Variants in ATXN2 observed in about 807,000 individuals in gnomAD.
The protein encoded by ATXN2 is ataxin-2.
In ATXN2, 37 loss-of-function variants were observed where a neutral mutation model predicts 138.6. The observed-to-expected ratio is 0.27, with a 90% confidence interval of 0.21 to 0.35. The LOEUF (loss-of-function observed/expected upper bound fraction) is 0.35, where lower values mean the gene tolerates loss of function less well. Among genes scored for constraint, ATXN2 ranks in the 10% least tolerant of loss-of-function variants. ATXN2 has a pLI of 1.00. For synonymous variants in ATXN2, 549 were observed against 543.7 expected, an observed-to-expected ratio of 1.01 and a Z score of -0.13; for missense variants, 1,216 against 1,480.3, an observed-to-expected ratio of 0.82 and a Z score of 2.93.
intron 1 of ATXN2, among the ~76,000 whole-genome samples, chr12:111,594,003 A>G (rs1467630906): frequency 6.6e-6 from 1 of 152,140 alleles, no homozygotes; most frequent in Non-Finnish European, 1.5e-5. Context: ...AGTTCCCCCA[A>G]TCCATTTAAA....
At chr12:111,482,264 A>G (rs971650309) in intron 18 of ATXN2, among the ~76,000 whole-genome samples, 1 of 141,184 alleles carries the variant, frequency 7.1e-6, no homozygotes, top group African/African-American at 2.7e-5. Flanking sequence ...GCACCATCTC[A>G]GCTCACTGCC....
chr12:111,525,330 T>G lies in ATXN2; in HGVS notation c.572-14A>C. 1 of 1,551,060 alleles carries G rather than the reference T, an allele frequency of 6.4e-7. No individual in the cohort carries two copies. Among genetic ancestry groups the G allele is most frequent in the Non-Finnish European group, 8.7e-7 (1 of 1,152,300 alleles). ...CAGTAAAAGCATCTGCAAAGAATGG[T>G]TTTGGTTGAAAGTTTATATAATCTG... On this transcript the variant is annotated splice_polypyrimidine_tract_variant and intron_variant, in intron 5 of 24. Coordinates refer to ENST00000673436, the MANE Select transcript of ATXN2 (RefSeq NM_001372574.1).
intron 1 of ATXN2, among the ~76,000 whole-genome samples, chr12:111,567,728 C>T (rs1050664836): frequency 6.6e-6 from 1 of 151,782 alleles, no homozygotes; most frequent in Non-Finnish European, 1.5e-5. Flanking sequence ...ACAAGAGAAT[C>T]GCTTCAACTC....
upstream of ATXN2, chr12:111,599,659 G>T: frequency 4.6e-6 from 5 of 1,080,896 alleles, no homozygotes; most frequent in East Asian, 5.4e-5. Context: ...CGGCGCGCTG[G>T]GTTGCTTTCT....
intron 15 of ATXN2, 92 bp downstream of exon 15, chr12:111,488,384 A>G: frequency 7.5e-7 from 1 of 1,340,482 alleles, no homozygotes; most frequent in Non-Finnish European, 1.0e-6. Flanking sequence ...AAAAGTCCAG[A>G]TGGATTCTTC....
chr12:111,540,696 CTTTTT>C (rs11462759), intron 5 of ATXN2, among the ~76,000 whole-genome samples: 1 of 126,278 alleles, frequency 7.9e-6, no homozygotes. Context: ...ACGTCTAAGT[CTTTTT>C]TTTTTTTTTT....
chr12:111,582,435 G>C (rs1360306628), intron 1 of ATXN2, among the ~76,000 whole-genome samples: 6 of 144,360 alleles, frequency 4.2e-5, no homozygotes. Flanking sequence ...AAGCGAGACG[G>C]TGTCTCAAAA....
intron 14 of ATXN2, among the ~76,000 whole-genome samples, chr12:111,506,697 TCTCC>T (rs1291409531): frequency 1.5e-5 from 2 of 136,888 alleles, no homozygotes; most frequent in African/African-American, 5.3e-5. Context: ...CTTTCCACGG[TCTCC>T]CTCTGATGCC....
Position 111,599,023 on chromosome 12 carries a change from C to T in ATXN2, c.12G>A (p.Lys4=). The T allele has an allele frequency of 1.3e-6, 2 of 1,503,610 alleles. No homozygotes were observed. The highest frequency in any genetic ancestry group is 1.8e-6 in the Non-Finnish European group (2 of 1,130,612). 93.1% of individuals were successfully genotyped at this position (1,503,610 alleles called of 1,614,324 possible). Residue 4 remains lysine, a synonymous_variant, in exon 1 of 25, where the codon AAG becomes AAA. Coordinates refer to ENST00000673436, the MANE Select transcript of ATXN2 (RefSeq NM_001372574.1). MSL[K]PQQQQQQQQQ... The stretch of plus-strand genomic sequence containing the variant: ...GCTGCTGCTGCTGCTGCTGCTGGGG[C>T]TTCAGCGACATGGTGAGGGGCCCAT...
In ATXN2 at chr12:111,520,089, G is replaced by GA. The variant is rs763179426; in HGVS notation, c.789-14dup. On this transcript the variant is annotated splice_polypyrimidine_tract_variant and intron_variant, in intron 7 of 24. Coordinates refer to ENST00000673436, the MANE Select transcript of ATXN2 (RefSeq NM_001372574.1). ...TTCTAAGGGCACTCTGAAACATGAG[G>GA]AAAAGAAAAGCAAAATGAGTCCTTT... is the stretch of plus-strand genomic sequence containing the variant. The GA allele has an allele frequency of 2.0e-5, 32 of 1,611,498 alleles. No homozygotes were observed. The African/African-American group carries it at 4.1e-4, about 21-fold the overall frequency.
intron 1 of ATXN2, among the ~76,000 whole-genome samples, chr12:111,577,947 G>C (rs567805427): frequency 2.0e-5 from 3 of 152,238 alleles, no homozygotes; most frequent in Non-Finnish European, 4.4e-5. Flanking sequence ...TGTAATCCCA[G>C]CACTTTGGGA....
intron 1 of ATXN2, among the ~76,000 whole-genome samples, chr12:111,573,870 CTT>C (rs778132052): frequency 1.8e-4 from 25 of 136,512 alleles, no homozygotes; most frequent in African/African-American, 5.5e-4. Context: ...TTTTTTCTTT[CTT>C]TTTTTTTTTT....
intron 18 of ATXN2, chr12:111,482,678 C>T (rs1336251218): frequency 1.3e-5 from 2 of 151,716 alleles, no homozygotes; most frequent in Non-Finnish European, 2.9e-5. Context: ...GCTGGTGATA[C>T]ATGAACACCT....
chr12:111,599,340 C>CG (rs1298660305), upstream of ATXN2: 1 of 98,678 alleles, frequency 1.0e-5, no homozygotes, highest in Non-Finnish European at 1.4e-5. Context: ...GGGCCGGGGC[C>CG]GGGCGGGGGA....
chr12:111,542,074 G>C (rs945803862), intron 5 of ATXN2, among the ~76,000 whole-genome samples: 1 of 148,714 alleles, frequency 6.7e-6, no homozygotes, highest in African/African-American at 2.4e-5. Context: ...GGCCAAAACT[G>C]AATATATTAT....
Position 111,598,004 on chromosome 12 carries a change from A to T in ATXN2, c.251+780T>A. ...GCGCGCCGGAGAGGTCTGGCGGGGG[A>T]AGGAGGAAGGCCGGGACGGGGCCGG... is the stretch of plus-strand genomic sequence containing the variant. On this transcript the variant is annotated intron_variant, in intron 1 of 24. Coordinates refer to ENST00000673436, the MANE Select transcript of ATXN2 (RefSeq NM_001372574.1). The surrounding 1 kb of genome is among the most constrained non-coding windows in gnomAD (Gnocchi z 4.5). 8.3e-7 allele frequency: 1 copy of T among 1,197,904 alleles called. No homozygotes were observed. The highest frequency in any genetic ancestry group is 1.1e-6 in the Non-Finnish European group (1 of 943,596). 74.2% of individuals were successfully genotyped at this position (1,197,904 alleles called of 1,614,324 possible). A position where few individuals can be genotyped will look rare whatever the true frequency, so the allele number is the denominator to read the frequency against.
chr12:111,530,706 C>T (rs1042886496), intron 5 of ATXN2, among the ~76,000 whole-genome samples: 8 of 152,116 alleles, frequency 5.3e-5, no homozygotes, highest in East Asian at 1.9e-4. Flanking sequence ...CCCAGCTACT[C>T]GGGAGGCTGA....
At chr12:111,531,079 T>C (rs1185147338) in intron 5 of ATXN2, among the ~76,000 whole-genome samples, 2 of 148,708 alleles carry the variant, frequency 1.3e-5, no homozygotes, top group African/African-American at 2.5e-5. Context: ...GATCGCACCA[T>C]TGCACTCCAG....
intron 20 of ATXN2, among the ~76,000 whole-genome samples, chr12:111,466,566 G>T (rs1203659884): frequency 1.3e-5 from 2 of 152,170 alleles, no homozygotes. Flanking sequence ...CTAGAAAGAG[G>T]TCAAGGTCAA....
Sources: gnomAD v4.1 joint callset for allele counts (sites outside exome capture counted in the v4.1 genomes callset) on GRCh38, gnomAD v4.1.1 for gene constraint, Gnocchi (gnomAD v3.1) non-coding constraint, MANE v1.5 for transcripts, NCBI Gene and HGNC (gene_info 2026-07-23, HGNC 2026-07-21) for gene names.